Variants in LOXHD1 observed in about 807,000 individuals in gnomAD.
LOXHD1 encodes the protein lipoxygenase homology domain-containing protein 1.
In LOXHD1, 205 loss-of-function variants were observed where a neutral mutation model predicts 248.2. The ratio of observed to expected loss-of-function variants is 0.83; its 90% CI spans 0.74 to 0.93. The LOEUF (loss-of-function observed/expected upper bound fraction) is 0.93. Among genes scored for constraint, LOXHD1 ranks in the 40% least tolerant of loss-of-function variants. The pLI is 0.00. For synonymous variants in LOXHD1, 1,113 were observed against 1,162.8 expected, an observed-to-expected ratio of 0.96 and a Z score of 0.87; for missense variants, 2,930 against 2,971.6, an observed-to-expected ratio of 0.99 and a Z score of 0.33.
At chr18:46,484,951 G>C (rs2032914661) in intron 39 of LOXHD1, 68 bp downstream of exon 39, 1 of 1,524,620 alleles carries the variant, frequency 6.6e-7, no homozygotes, top group South Asian at 1.2e-5. Context: ...CCACCCAAGA[G>C]GGAGATTCTC....
At chr18:46,610,537 GAA>G (rs1380719117) in intron 6 of LOXHD1, among the ~76,000 whole-genome samples, 2 of 151,940 alleles carry the variant, frequency 1.3e-5, no homozygotes, top group African/African-American at 4.8e-5. Flanking sequence ...ACCCTAAAAA[GAA>G]AAGAGAGAGA....
chr18:46,561,234 C>G (rs1014704843), intron 18 of LOXHD1, among the ~76,000 whole-genome samples: 1 of 152,110 alleles, frequency 6.6e-6, no homozygotes, highest in Non-Finnish European at 1.5e-5. Context: ...CCTGGATGCC[C>G]TCTTCATCCT....
chr18:46,569,645 A>G lies in LOXHD1; in HGVS notation c.2048-7T>C, dbSNP rs1288770177. 2 of 1,544,728 alleles carry G rather than the reference A, an allele frequency of 1.3e-6. No homozygotes were observed. The highest frequency in any genetic ancestry group is 8.8e-7 in the Non-Finnish European group (1 of 1,141,204). ...CTGATGTGATAGCGAAAGTCTGAACAGCCCAAGGCAGAGGGAGGAAGGGAA... is the reference window on the plus strand; with the variant it reads ...CTGATGTGATAGCGAAAGTCTGAACGGCCCAAGGCAGAGGGAGGAAGGGAA... On this transcript the variant is annotated splice_polypyrimidine_tract_variant and splice_region_variant and intron_variant, in intron 15 of 40. Coordinates refer to ENST00000642948, the MANE Select transcript of LOXHD1 (RefSeq NM_001384474.1).
At chr18:46,488,208 C>T (rs1187509007) in intron 38 of LOXHD1, among the ~76,000 whole-genome samples, 1 of 152,136 alleles carries the variant, frequency 6.6e-6, no homozygotes, top group Admixed American at 6.5e-5. Context: ...TTGGCCCTGC[C>T]AGAGGATGTC....
chr18:46,612,345 CCAG>C (rs2038521012), intron 5 of LOXHD1, among the ~76,000 whole-genome samples: 1 of 152,148 alleles, frequency 6.6e-6, no homozygotes, highest in Non-Finnish European at 1.5e-5. Context: ...TTAATTACCA[CCAG>C]TAGTATATGA....
intron 4 of LOXHD1, among the ~76,000 whole-genome samples, chr18:46,623,314 C>T (rs1320509571): frequency 6.6e-6 from 1 of 152,206 alleles, no homozygotes; most frequent in Non-Finnish European, 1.5e-5. Flanking sequence ...ACCAGCAACC[C>T]TACCTTTCAC....
At chr18:46,503,851 T>C (rs2034392946) in intron 37 of LOXHD1, among the ~76,000 whole-genome samples, 1 of 152,132 alleles carries the variant, frequency 6.6e-6, no homozygotes, top group African/African-American at 2.4e-5. Flanking sequence ...CCTCATCTTC[T>C]TGACCACCTG....
At chr18:46,509,351 CCT>C (rs1206599008) in intron 35 of LOXHD1, among the ~76,000 whole-genome samples, 1 of 152,154 alleles carries the variant, frequency 6.6e-6, no homozygotes. Flanking sequence ...ACCATGGCAG[CCT>C]CTCTCTGCCC....
chr18:46,604,097 C>T lies in LOXHD1; in HGVS notation c.883+9G>A. 4 of 1,551,692 alleles carry T rather than the reference C, an allele frequency of 2.6e-6. No individual in the cohort carries two copies. The highest frequency in any genetic ancestry group is 3.5e-6 in the Non-Finnish European group (4 of 1,146,964). On this transcript the variant is annotated intron_variant, in intron 7 of 40. Transcript: ENST00000642948. Reference sequence around the variant, plus strand: ...TACCCAAAAGAGCCTCCCCTTTCTTCAAATCTACCTGTGGTCTCAGCTCCG... The same window carrying T: ...TACCCAAAAGAGCCTCCCCTTTCTTTAAATCTACCTGTGGTCTCAGCTCCG...
intron 6 of LOXHD1, among the ~76,000 whole-genome samples, chr18:46,609,183 G>T (rs1009355514): frequency 6.6e-6 from 1 of 152,166 alleles, no homozygotes; most frequent in Non-Finnish European, 1.5e-5. Flanking sequence ...TAGCTATCAT[G>T]TGCTCATGAG....
chr18:46,550,839 G>A (rs1412293197), intron 21 of LOXHD1, among the ~76,000 whole-genome samples: 1 of 152,122 alleles, frequency 6.6e-6, no homozygotes, highest in Non-Finnish European at 1.5e-5. Flanking sequence ...TACAACTTGA[G>A]CATTATTCTC....
At chr18:46,495,469 C>G (rs1251241122) in intron 37 of LOXHD1, among the ~76,000 whole-genome samples, 2 of 152,138 alleles carry the variant, frequency 1.3e-5, no homozygotes, top group African/African-American at 4.8e-5. Context: ...TTGATCATCA[C>G]TGGATGAGTC....
rs1568070957 is a variant in LOXHD1, at chr18:46,483,515, C to A, written c.6341+72G>T. On this transcript the variant is annotated intron_variant, in intron 40 of 40. Coordinates refer to ENST00000642948, the MANE Select transcript of LOXHD1 (RefSeq NM_001384474.1). ...GACCTCATCATACCCTGCTCTCTTG[C>A]CCATGGTCCAGCTCAGTCCCTGCCC... The A allele has an allele frequency of 2.6e-6, 4 of 1,530,724 alleles. No individual in the cohort carries two copies. The East Asian group carries it at 9.8e-5, about 38-fold the overall frequency. The allele number at this position is 1,530,724 out of a possible 1,614,324, so 94.8% of individuals were successfully genotyped here.
chr18:46,620,984 T>A (rs7228348), intron 4 of LOXHD1, among the ~76,000 whole-genome samples: 5,328 of 152,252 alleles, frequency 0.035, 299 homozygotes, highest in African/African-American at 0.11. Context: ...ACAGGCCAAC[T>A]GTCAGAGATC....
Position 46,505,905 on chromosome 18 carries a change from T to A in LOXHD1, c.5811A>T (p.Thr1937=), listed in dbSNP as rs575811783. Reference sequence around the variant, plus strand: ...AGCTCAGCATGTCAGGGAAGTTGAATGTGTCCGTGTTGTTCCGCTCAAACT... The same window carrying A: ...AGCTCAGCATGTCAGGGAAGTTGAAAGTGTCCGTGTTGTTCCGCTCAAACT... The part of the protein sequence containing the change: ...WNKFERNNTD[T]FNFPDMLSLG... Residue 1937 remains threonine, a synonymous_variant, in exon 37 of 41, where the codon ACA becomes ACT. Transcript: ENST00000642948. 2 of 1,551,898 alleles carry A rather than the reference T, an allele frequency of 1.3e-6. No individual in the cohort carries two copies.
intron 8 of LOXHD1, among the ~76,000 whole-genome samples, chr18:46,597,120 C>G (rs1322396504): frequency 6.6e-6 from 1 of 151,996 alleles, no homozygotes; most frequent in Non-Finnish European, 1.5e-5. Context: ...AGCTAAAATA[C>G]TAGGCAAAAA....
intron 13 of LOXHD1, 118 bp from the exon 14 acceptor site, chr18:46,577,985 C>A: frequency 9.6e-7 from 1 of 1,043,276 alleles, no homozygotes; most frequent in Non-Finnish European, 1.4e-6. Flanking sequence ...GGCAACTCCT[C>A]TTTCACACAT....
chr18:46,573,438 C>T (rs372874340), intron 14 of LOXHD1, among the ~76,000 whole-genome samples: 15 of 152,300 alleles, frequency 9.8e-5, no homozygotes, highest in African/African-American at 3.4e-4. Flanking sequence ...GAATAGATAC[C>T]GTTCATTGTT....
At chr18:46,580,066 T>C (rs1282671906) in intron 12 of LOXHD1, among the ~76,000 whole-genome samples, 1 of 152,234 alleles carries the variant, frequency 6.6e-6, no homozygotes, top group Non-Finnish European at 1.5e-5. Flanking sequence ...ATCCTGTCAA[T>C]TATCAGTATC....
Sources: gnomAD v4.1 joint callset for allele counts (sites outside exome capture counted in the v4.1 genomes callset) on GRCh38, gnomAD v4.1.1 for gene constraint, MANE v1.5 for transcripts, NCBI Gene and HGNC (gene_info 2026-07-23, HGNC 2026-07-21) for gene names.